FAM149B1: variants seen among roughly 807,000 people sequenced by gnomAD.
The protein encoded by FAM149B1 is primary cilium assembly protein FAM149B1.
FAM149B1 carries 56 observed loss-of-function variants against 75.3 expected under a neutral mutation model. The observed-to-expected ratio is 0.74, with a 90% CI of 0.60 to 0.93. FAM149B1 has a LOEUF of 0.93. FAM149B1 is among the 40% of genes least tolerant of loss of function. The pLI is 0.00. For missense variants in FAM149B1, 639 were observed against 708.4 expected (o/e 0.90, Z 1.11); for synonymous variants, 259 against 256.1 (o/e 1.01, Z -0.11).
At chr10:73,175,280 A>G (rs12265339) in intron 2 of FAM149B1, among the ~76,000 whole-genome samples, 23,964 of 152,128 alleles carry the variant, frequency 0.16, 3,149 homozygotes, top group African/African-American at 0.34. Flanking sequence ...TGACATGGGA[A>G]GATTGCTTGA....
intron 8 of FAM149B1, among the ~76,000 whole-genome samples, chr10:73,228,731 G>C (rs2043615784): frequency 6.6e-6 from 1 of 152,062 alleles, no homozygotes; most frequent in South Asian, 2.1e-4. Context: ...CTGAGTACCT[G>C]GGATTACAGA....
intron 1 of FAM149B1, among the ~76,000 whole-genome samples, chr10:73,170,807 G>A (rs1589129369): frequency 1.3e-5 from 2 of 152,066 alleles, no homozygotes; most frequent in East Asian, 3.9e-4. Context: ...AAATTGTGAG[G>A]AAACTGTCTT....
intron 12 of FAM149B1, among the ~76,000 whole-genome samples, chr10:73,235,873 T>C (rs1418168403): frequency 1.3e-5 from 2 of 152,290 alleles, no homozygotes; most frequent in Admixed American, 1.3e-4. Context: ...ATGCTGACAC[T>C]GCCTACCATT....
At chr10:73,194,727 A>AGTGCAGT (rs1477493257) in intron 5 of FAM149B1, among the ~76,000 whole-genome samples, 2 of 148,460 alleles carry the variant, frequency 1.3e-5, no homozygotes, top group Admixed American at 1.4e-4. Context: ...CCAAGGCTGG[A>AGTGCAGT]GTGCAGTGTG....
In FAM149B1 at chr10:73,174,775, G is replaced by GAC; in HGVS notation, c.140_141dup (p.Ser48GlnfsTer74). ...CCCCACCAGTGACAGTCATGAGAAA[G>GAC]ACACAAGTTCCCAAAGGTAATAACA... On this transcript the variant is annotated frameshift_variant, in exon 2 of 14. Coordinates refer to ENST00000242505, the MANE Select transcript of FAM149B1 (RefSeq NM_173348.2). LOFTEE classifies it high-confidence loss of function. The GAC allele has an allele frequency of 1.9e-6, 3 of 1,548,902 alleles. No homozygotes were observed. Among genetic ancestry groups the GAC allele is most frequent in the Non-Finnish European group, 2.6e-6 (3 of 1,144,494 alleles).
At chr10:73,192,405 C>T in intron 3 of FAM149B1, 151 bp from the exon 4 acceptor site, 3 of 708,408 alleles carry the variant, frequency 4.2e-6, no homozygotes, top group Non-Finnish European at 6.8e-6. Flanking sequence ...TGAAAACTCA[C>T]TAATTTAACT....
Position 73,241,809 on chromosome 10 carries a change from A to G in FAM149B1, c.*790A>G, listed in dbSNP as rs1459430929. On this transcript the variant is annotated 3_prime_UTR_variant, in exon 14 of 14. Coordinates refer to ENST00000242505, the MANE Select transcript of FAM149B1 (RefSeq NM_173348.2). Reference sequence around the variant, plus strand: ...AAATAATTTGTAGAATCTACTATTGAGCCACCAAAGTATAATTCCCTAAAA... The same window carrying G: ...AAATAATTTGTAGAATCTACTATTGGGCCACCAAAGTATAATTCCCTAAAA... 1 of 152,234 alleles carries G rather than the reference A, an allele frequency of 6.6e-6. No homozygotes were observed. The highest frequency in any genetic ancestry group is 1.5e-5 in the Non-Finnish European group (1 of 68,054). The allele number at this position is 152,234 out of a possible 1,614,324, so 9.4% of individuals were successfully genotyped here.
At chr10:73,200,804 G>T in intron 5 of FAM149B1, 1 of 487,986 alleles carries the variant, frequency 2.0e-6, no homozygotes, top group South Asian at 1.6e-5. Context: ...TATACTTTGT[G>T]ACTTGTACAA....
At chr10:73,209,257 T>TG (rs1393576157) in intron 6 of FAM149B1, among the ~76,000 whole-genome samples, 3 of 152,162 alleles carry the variant, frequency 2.0e-5, no homozygotes, top group African/African-American at 7.2e-5. Context: ...GAGACTAGCC[T>TG]GGCCAACATG....
chr10:73,204,944 ATTTTTTTTTTTTTTTTTTTTTTTTTTT>A lies in FAM149B1; in HGVS notation c.543-3649_543-3623del, dbSNP rs71021549. Among the ~76,000 whole-genome samples, 163 of 36,590 alleles carry A rather than the reference ATTTTTTTTTTTTTTTTTTTTTTTTTTT, an allele frequency of 4.5e-3. 1 individual carries two copies. Among genetic ancestry groups the A allele is most frequent in the South Asian group, 0.023 (23 of 994 alleles). 24.0% of individuals were successfully genotyped at this position (36,590 alleles called of 152,430 possible). A position where few individuals can be genotyped will look rare whatever the true frequency, so the allele number is the denominator to read the frequency against. On this transcript the variant is annotated intron_variant, in intron 5 of 13. Coordinates refer to ENST00000242505, the MANE Select transcript of FAM149B1 (RefSeq NM_173348.2). Reference sequence around the variant, plus strand: ...AGGCACCCGCCACCATGCCTGGCTAATTTTTTTTTTTTTTTTTTTTTTTTTTTTTTTTTTTTTTTTTTTTTTTTTTTT... The same window carrying A: ...AGGCACCCGCCACCATGCCTGGCTAATTTTTTTTTTTTTTTTTTTTTTTTT...
chr10:73,168,689 C>T (rs2133284768), intron 1 of FAM149B1, among the ~76,000 whole-genome samples: 1 of 152,344 alleles, frequency 6.6e-6, no homozygotes, highest in Middle Eastern at 3.4e-3. Context: ...TAATAGCTAA[C>T]TGAGGGCTCC....
chr10:73,174,705 T>C lies in FAM149B1; in HGVS notation c.66T>C (p.His22=). ...TTCACAGGAAAGGAATAACAAAACA[T>C]GCTCTTAACCATCATCCCCCTCCAG... ...QSLELKGITK[H]ALNHHPPPEK... Residue 22 remains histidine, a synonymous_variant, in exon 2 of 14, where the codon CAT becomes CAC. Coordinates refer to ENST00000242505, the MANE Select transcript of FAM149B1 (RefSeq NM_173348.2). 6.4e-7 allele frequency: 1 copy of C among 1,550,722 alleles called. No individual in the cohort carries two copies. The highest frequency in any genetic ancestry group is 8.7e-7 in the Non-Finnish European group (1 of 1,146,480).
rs2043977565 is a variant in FAM149B1 at position 73,243,644 on chromosome 10, A to C, written c.*2625A>C. 1 of 1,303,832 alleles carries C rather than the reference A, an allele frequency of 7.7e-7. No individual in the cohort carries two copies. The highest frequency in any genetic ancestry group is 1.5e-5 in the African/African-American group (1 of 67,146). 80.8% of individuals were successfully genotyped at this position (1,303,832 alleles called of 1,614,324 possible). A position where few individuals can be genotyped will look rare whatever the true frequency, so the allele number is the denominator to read the frequency against. ...GGTATGGAGTTTTTTTGGAATGGTG[A>C]AAATGTCCTACAATTGGTGTTAATA... On this transcript the variant is annotated 3_prime_UTR_variant, in exon 14 of 14. Transcript: ENST00000242505.
chr10:73,205,103 C>T (rs952282200), intron 5 of FAM149B1, among the ~76,000 whole-genome samples: 6 of 149,828 alleles, frequency 4.0e-5, no homozygotes, highest in African/African-American at 7.4e-5. Flanking sequence ...GTGAGCCACC[C>T]GCCTGGCCAA....
intron 5 of FAM149B1, among the ~76,000 whole-genome samples, chr10:73,199,459 C>T (rs1187799188): frequency 6.6e-6 from 1 of 152,010 alleles, no homozygotes. Flanking sequence ...CCTCATGGTC[C>T]ACCCTCCTCA....
chr10:73,217,540 CT>C (rs879350253), intron 7 of FAM149B1, among the ~76,000 whole-genome samples: 3 of 152,160 alleles, frequency 2.0e-5, no homozygotes, highest in Non-Finnish European at 2.9e-5. Context: ...GGAGACTCAA[CT>C]AGAGAAGAAG....
chr10:73,187,659 G>T (rs1030319210), intron 3 of FAM149B1, among the ~76,000 whole-genome samples: 4 of 152,038 alleles, frequency 2.6e-5, no homozygotes, highest in African/African-American at 9.7e-5. Context: ...AACCCAGGAG[G>T]TGGAGGTTGC....
At chr10:73,220,974 T>C (rs556188503) in intron 7 of FAM149B1, among the ~76,000 whole-genome samples, 49 of 152,322 alleles carry the variant, frequency 3.2e-4, no homozygotes, top group African/African-American at 1.2e-3. Flanking sequence ...TGATACATGT[T>C]ACAACATGGA....
chr10:73,176,467 A>G (rs1843969005), intron 2 of FAM149B1, among the ~76,000 whole-genome samples: 1 of 152,232 alleles, frequency 6.6e-6, no homozygotes, highest in African/African-American at 2.4e-5. Flanking sequence ...GATGCTTGGC[A>G]TGTAGTAAAT....
Sources: allele counts gnomAD v4.1 joint callset (sites outside exome capture counted in the v4.1 genomes callset), GRCh38; gene constraint gnomAD v4.1.1; transcripts MANE v1.5; gene names NCBI Gene and HGNC (gene_info 2026-07-23, HGNC 2026-07-21).